Variants in PTPRD observed in about 807,000 individuals in gnomAD.
PTPRD encodes the protein receptor-type tyrosine-protein phosphatase delta.
Under a neutral mutation model 214.5 loss-of-function variants are expected in PTPRD, and 34 were observed. That is an observed-to-expected ratio of 0.16 (90% CI 0.12 to 0.21). The LOEUF (loss-of-function observed/expected upper bound fraction) is 0.21. Among genes scored for constraint, PTPRD ranks in the 10% least tolerant of loss-of-function variants. PTPRD has a pLI of 1.00. For missense variants in PTPRD, 2,545 were observed against 2,398.7 expected, an observed-to-expected ratio of 1.06 and a Z score of -1.27; for synonymous variants, 1,128 against 845.7, an observed-to-expected ratio of 1.33 and a Z score of -5.79.
At chr9:8,839,478 C>T (rs956035530) in intron 11 of PTPRD, among the ~76,000 whole-genome samples, 3 of 152,144 alleles carry the variant, frequency 2.0e-5, no homozygotes, top group Non-Finnish European at 4.4e-5. Context: ...GCGGGCACCA[C>T]CATCCCTGGC....
At chr9:9,383,949 A>G (rs1292788658) in intron 9 of PTPRD, among the ~76,000 whole-genome samples, 1 of 152,028 alleles carries the variant, frequency 6.6e-6, no homozygotes, top group East Asian at 1.9e-4. Flanking sequence ...AGTGATATCT[A>G]ACCCTGCTCA....
chr9:9,629,674 C>T (rs1043028427), intron 7 of PTPRD, among the ~76,000 whole-genome samples: 1 of 152,204 alleles, frequency 6.6e-6, no homozygotes, highest in Admixed American at 6.5e-5. Context: ...CTACCTGTTG[C>T]TGTCTCTATC....
At chr9:8,633,689 C>T (rs1055276321) in intron 13 of PTPRD, among the ~76,000 whole-genome samples, 1 of 152,030 alleles carries the variant, frequency 6.6e-6, no homozygotes, top group Non-Finnish European at 1.5e-5. Flanking sequence ...GATTTCTAGT[C>T]CCTACTAAAA....
intron 5 of PTPRD, among the ~76,000 whole-genome samples, chr9:9,824,900 G>A (rs996910268): frequency 6.6e-6 from 1 of 151,926 alleles, no homozygotes; most frequent in African/African-American, 2.4e-5. Context: ...ATAAAACTGT[G>A]AATTAAGACA....
At chr9:10,502,703 T>G (rs2044186569) in intron 2 of PTPRD, among the ~76,000 whole-genome samples, 1 of 152,120 alleles carries the variant, frequency 6.6e-6, no homozygotes, top group Non-Finnish European at 1.5e-5. Flanking sequence ...GTAATATATG[T>G]AAGCATTTCA....
At chr9:10,221,213 C>T (rs1389557300) in intron 3 of PTPRD, among the ~76,000 whole-genome samples, 1 of 151,952 alleles carries the variant, frequency 6.6e-6, no homozygotes, top group Non-Finnish European at 1.5e-5. Context: ...TGTCTCCAGT[C>T]GTTGGTGTGC....
intron 3 of PTPRD, among the ~76,000 whole-genome samples, chr9:10,088,987 A>G (rs935939672): frequency 6.6e-6 from 1 of 151,538 alleles, no homozygotes; most frequent in Non-Finnish European, 1.5e-5. Context: ...AAAAGGACCA[A>G]TTGAGGCTAG....
intron 30 of PTPRD, among the ~76,000 whole-genome samples, chr9:8,473,015 C>A (rs955289794): frequency 6.6e-6 from 1 of 152,172 alleles, no homozygotes; most frequent in Admixed American, 6.5e-5. Flanking sequence ...TAAACAGATA[C>A]CAGCTGCTAC....
intron 9 of PTPRD, among the ~76,000 whole-genome samples, chr9:9,212,623 G>A (rs1317296954): frequency 6.6e-6 from 1 of 152,148 alleles, no homozygotes. Flanking sequence ...AGAAGAAGGA[G>A]CAAGAAACCC....
chr9:8,864,604 CA>C (rs1160666902), intron 11 of PTPRD, among the ~76,000 whole-genome samples: 1 of 152,044 alleles, frequency 6.6e-6, no homozygotes. Context: ...GGATGGTTTC[CA>C]AAAAACTCAC....
At chr9:8,587,330 A>G (rs981618024) in intron 14 of PTPRD, among the ~76,000 whole-genome samples, 1 of 152,214 alleles carries the variant, frequency 6.6e-6, no homozygotes, top group Non-Finnish European at 1.5e-5. Flanking sequence ...TTTAGATTTT[A>G]TATTTTAATA....
At chr9:9,876,285 T>C (rs999656016) in intron 5 of PTPRD, among the ~76,000 whole-genome samples, 1 of 152,142 alleles carries the variant, frequency 6.6e-6, no homozygotes, top group Admixed American at 6.6e-5. Context: ...TTCTTTCTAA[T>C]AAAGAATCCT....
chr9:8,525,707 T>C (rs575611816), intron 17 of PTPRD, among the ~76,000 whole-genome samples: 1 of 152,276 alleles, frequency 6.6e-6, no homozygotes, highest in East Asian at 1.9e-4. Flanking sequence ...TTAAAAGGCA[T>C]GGCCTGTGCC....
chr9:9,782,446 T>A (rs1001866323), intron 5 of PTPRD, among the ~76,000 whole-genome samples: 1 of 152,208 alleles, frequency 6.6e-6, no homozygotes, highest in Non-Finnish European at 1.5e-5. Context: ...TAAATGATTA[T>A]TGAGAATCAT....
At chr9:10,434,284 G>C (rs750486451) in intron 2 of PTPRD, among the ~76,000 whole-genome samples, 1 of 151,718 alleles carries the variant, frequency 6.6e-6, no homozygotes, top group Non-Finnish European at 1.5e-5. Context: ...TAATGAAAAG[G>C]TACCTCAAGG....
chr9:10,123,670 C>G (rs1248892006), intron 3 of PTPRD, among the ~76,000 whole-genome samples: 1 of 152,080 alleles, frequency 6.6e-6, no homozygotes. Flanking sequence ...AAAAGAACAC[C>G]GTTATTTTGG....
chr9:10,406,776 G>A (rs994474555), intron 2 of PTPRD, among the ~76,000 whole-genome samples: 1 of 150,600 alleles, frequency 6.6e-6, no homozygotes. Context: ...CAGCATGGGT[G>A]AGCAAGAAAA....
chr9:10,331,553 G>A (rs1281865101), intron 3 of PTPRD, among the ~76,000 whole-genome samples: 1 of 151,804 alleles, frequency 6.6e-6, no homozygotes, highest in Non-Finnish European at 1.5e-5. Context: ...ATTTGGTGCT[G>A]AAAGTGGAGC....
chr9:8,577,349 G>A (rs1371105960), intron 14 of PTPRD, among the ~76,000 whole-genome samples: 1 of 152,090 alleles, frequency 6.6e-6, no homozygotes, highest in African/African-American at 2.4e-5. Flanking sequence ...TCCGCCTCCT[G>A]GGTTCAAGCA....
Sources: gnomAD v4.1 joint callset for allele counts (sites outside exome capture counted in the v4.1 genomes callset) on GRCh38, gnomAD v4.1.1 for gene constraint, MANE v1.5 for transcripts, NCBI Gene and HGNC (gene_info 2026-07-23, HGNC 2026-07-21) for gene names.